DPP6: variants seen among roughly 807,000 people sequenced by gnomAD.
DPP6 encodes the protein A-type potassium channel modulatory protein DPP6.
Under a neutral mutation model 122.6 loss-of-function variants are expected in DPP6, and 69 were observed. The observed-to-expected ratio is 0.56, with a 90% CI of 0.46 to 0.69. The LOEUF (loss-of-function observed/expected upper bound fraction) is 0.69, where lower values mean the gene tolerates loss of function less well. DPP6 is among the 30% of genes least tolerant of loss of function. DPP6 has a pLI of 0.00. For missense variants in DPP6, 928 were observed against 1,116.9 expected, an observed-to-expected ratio of 0.83 and a Z score of 2.41; for synonymous variants, 418 against 433.1, an observed-to-expected ratio of 0.97 and a Z score of 0.43.
rs967913617 is a variant in DPP6, at chr7:154,434,137, G to A, written c.244-12077G>A. 2.0e-5 allele frequency among the ~76,000 whole-genome samples: 3 copies of A among 152,148 alleles called. No homozygotes were observed. The South Asian group carries it at 6.2e-4, about 32-fold the overall frequency. On this transcript the variant is annotated intron_variant, in intron 1 of 25. Transcript: ENST00000377770. ...ATACAATTAAAATAAAACATTAACA[G>A]TCTGAATTTTGTTTAAGATAGAAAC...
the DPP6 span, among the ~76,000 whole-genome samples, chr7:153,838,287 C>G: frequency 3.3e-5 from 5 of 152,092 alleles, no homozygotes; most frequent in Admixed American, 3.3e-4. Context: ...CAGCCACAAA[C>G]CCAGTGGAAG....
chr7:154,785,263 C>A lies in DPP6; in HGVS notation c.1137-8816C>A, dbSNP rs187346090. On this transcript the variant is annotated intron_variant, in intron 10 of 25. Coordinates refer to ENST00000377770, the MANE Select transcript of DPP6 (RefSeq NM_130797.4). ...AACAGTCTCTTCCCTCTCCTTCTAA[C>A]CCATCTCACCCCCAGATGGAGATGA... is the stretch of plus-strand genomic sequence containing the variant. Among the ~76,000 whole-genome samples, 1,026 of 152,286 alleles carry A rather than the reference C, an allele frequency of 6.7e-3. 12 individuals carry two copies. The highest frequency in any genetic ancestry group is 0.024 in the African/African-American group (994 of 41,542).
At chr7:154,542,987 T>C (rs1680072122) in intron 4 of DPP6, among the ~76,000 whole-genome samples, 1 of 152,194 alleles carries the variant, frequency 6.6e-6, no homozygotes, top group East Asian at 1.9e-4. Context: ...ATGCTCTGTG[T>C]GTTTTCATGA....
intron 1 of DPP6, among the ~76,000 whole-genome samples, chr7:153,981,386 A>G (rs540358671): frequency 6.6e-6 from 1 of 151,708 alleles, no homozygotes; most frequent in African/African-American, 2.4e-5. Flanking sequence ...TTTACTTTCT[A>G]TTTACTTGGT....
chr7:154,827,578 C>T (rs1041813052), intron 16 of DPP6, among the ~76,000 whole-genome samples: 3 of 151,764 alleles, frequency 2.0e-5, no homozygotes, highest in African/African-American at 4.8e-5. Flanking sequence ...GTAAGGGATG[C>T]GTCTCTTGGA....
intron 1 of DPP6, among the ~76,000 whole-genome samples, chr7:154,384,812 A>T (rs1443132301): frequency 3.3e-5 from 5 of 149,644 alleles, no homozygotes; most frequent in Non-Finnish European, 7.4e-5. Context: ...AGTTTGAAAT[A>T]TGAGTGTTCA....
chr7:153,935,343 G>A (rs1017577577), intron 1 of DPP6, among the ~76,000 whole-genome samples: 3 of 152,068 alleles, frequency 2.0e-5, no homozygotes, highest in African/African-American at 7.2e-5. Flanking sequence ...TAACCCTAGC[G>A]TTAGTCATGT....
rs542324149 is a variant in DPP6, at chr7:154,528,972, G to A, written c.458-11560G>A. Among the ~76,000 whole-genome samples, 44 of 152,296 alleles carry A rather than the reference G, an allele frequency of 2.9e-4. 1 individual carries two copies. The highest frequency in any genetic ancestry group is 5.8e-4 in the East Asian group (3 of 5,180). On this transcript the variant is annotated intron_variant, in intron 3 of 25. Coordinates refer to ENST00000377770, the MANE Select transcript of DPP6 (RefSeq NM_130797.4). ...GGGAAGAGGGGCCAAGGCCAGAATC[G>A]GAAGGACCTTAAATGTCAGGCTAAG... is the stretch of plus-strand genomic sequence containing the variant.
At chr7:154,317,487 G>T (rs1807535824) in intron 1 of DPP6, among the ~76,000 whole-genome samples, 1 of 152,170 alleles carries the variant, frequency 6.6e-6, no homozygotes, top group Non-Finnish European at 1.5e-5. Flanking sequence ...GCTCTACTAT[G>T]GTGTATTCAT....
intron 1 of DPP6, among the ~76,000 whole-genome samples, chr7:153,936,879 G>T (rs1179068617): frequency 1.3e-5 from 2 of 152,134 alleles, no homozygotes; most frequent in Admixed American, 1.3e-4. Context: ...GCCAGGGATG[G>T]TACGCTTCTG....
Position 154,459,882 on chromosome 7 carries a change from T to A in DPP6, c.358+13554T>A, listed in dbSNP as rs187311822. ...TGAACAATAATAATCCTTTTATAAT[T>A]ATTTTCTCATACTGTCAGTTCTACA... is the stretch of plus-strand genomic sequence containing the variant. On this transcript the variant is annotated intron_variant, in intron 2 of 25. Transcript: ENST00000377770. 7.9e-5 allele frequency among the ~76,000 whole-genome samples: 12 copies of A among 151,174 alleles called. No homozygotes were observed. In the East Asian group the frequency reaches 2.1e-3, roughly 27 times the overall value.
At chr7:154,283,773 C>T (rs1436750511) in intron 1 of DPP6, among the ~76,000 whole-genome samples, 5 of 152,130 alleles carry the variant, frequency 3.3e-5, no homozygotes, top group South Asian at 2.1e-4. Context: ...TATGAAAGCA[C>T]GATGGGCAGA....
chr7:154,689,408 T>C (rs966544601), intron 7 of DPP6, among the ~76,000 whole-genome samples: 1 of 152,236 alleles, frequency 6.6e-6, no homozygotes, highest in African/African-American at 2.4e-5. Context: ...ATGAAGTATG[T>C]TTTCTGAATC....
intron 1 of DPP6, among the ~76,000 whole-genome samples, chr7:154,435,759 T>G (rs1419266707): frequency 6.6e-6 from 1 of 152,378 alleles, no homozygotes; most frequent in East Asian, 1.9e-4. Context: ...TTGTAATTTG[T>G]TGCTACCTTC....
At chr7:154,681,393 A>G (rs892131186) in intron 7 of DPP6, among the ~76,000 whole-genome samples, 1 of 152,256 alleles carries the variant, frequency 6.6e-6, no homozygotes, top group African/African-American at 2.4e-5. Flanking sequence ...AGAGTTGTAC[A>G]TTAAGGAAGA....
chr7:154,579,158 G>A lies in DPP6; in HGVS notation c.627+12242G>A, dbSNP rs181574925. ...GAGGTCAGGAGTTCGAGACCAGCCT[G>A]GCCAACATGGCGAAACCCCATCTCT... On this transcript the variant is annotated intron_variant, in intron 5 of 25. Transcript: ENST00000377770. Among the ~76,000 whole-genome samples the A allele has an allele frequency of 8.2e-3, 1,245 of 152,224 alleles. 11 individuals are homozygous for A. Among genetic ancestry groups the A allele is most frequent in the Non-Finnish European group, 0.013 (884 of 67,996 alleles).
chr7:154,696,543 A>C (rs1840228647), intron 7 of DPP6, among the ~76,000 whole-genome samples: 1 of 152,162 alleles, frequency 6.6e-6, no homozygotes, highest in Admixed American at 6.5e-5. Context: ...ACTACAGATG[A>C]AGTACATTGT....
intron 1 of DPP6, among the ~76,000 whole-genome samples, chr7:154,308,067 C>G (rs551695418): frequency 6.6e-6 from 1 of 151,990 alleles, no homozygotes; most frequent in African/African-American, 2.4e-5. Context: ...TTGAATGGAG[C>G]CTGATGCCAT....
chr7:153,944,674 T>TTTG (rs1444126194), intron 1 of DPP6, among the ~76,000 whole-genome samples: 1 of 144,174 alleles, frequency 6.9e-6, no homozygotes, highest in African/African-American at 2.6e-5. Flanking sequence ...GTTTTTTTTT[T>TTTG]TTTTTTTTTT....
Sources: allele counts gnomAD v4.1 joint callset (sites outside exome capture counted in the v4.1 genomes callset), GRCh38; gene constraint gnomAD v4.1.1; transcripts MANE v1.5; gene names NCBI Gene and HGNC (gene_info 2026-07-23, HGNC 2026-07-21).